The following TENM2 variants were observed in gnomAD, a reference collection of about 807,000 sequenced individuals.
TENM2 encodes teneurin-2.
A neutral mutation model predicts 245.2 loss-of-function variants in TENM2; 52 were observed. The ratio of observed to expected loss-of-function variants is 0.21; its 90% CI spans 0.17 to 0.27. The LOEUF (loss-of-function observed/expected upper bound fraction) is 0.27. TENM2 is among the 10% of genes least tolerant of loss of function. TENM2 has a pLI of 1.00. For missense variants in TENM2, 3,046 were observed against 3,666.8 expected, an observed-to-expected ratio of 0.83 and a Z score of 4.37; for synonymous variants, 1,363 against 1,438.9, an observed-to-expected ratio of 0.95 and a Z score of 1.19.
chr5:167,975,443 C>A (rs1275453895), intron 4 of TENM2, among the ~76,000 whole-genome samples: 1 of 147,606 alleles, frequency 6.8e-6, no homozygotes, highest in Non-Finnish European at 1.5e-5. Flanking sequence ...GGTTACCTTT[C>A]TTAGTGGCAT....
chr5:167,688,960 A>G (rs568758874), intron 2 of TENM2, among the ~76,000 whole-genome samples: 132 of 152,168 alleles, frequency 8.7e-4, no homozygotes, highest in Non-Finnish European at 1.5e-3. Context: ...TTTCTTTTCC[A>G]TTATAAGCAA....
chr5:168,001,434 G>T (rs768785068), intron 5 of TENM2, among the ~76,000 whole-genome samples: 1 of 152,170 alleles, frequency 6.6e-6, no homozygotes, highest in African/African-American at 2.4e-5. Context: ...GCAAATAATG[G>T]CATAAATCTA....
At chr5:167,758,075 T>A (rs1389292912) in intron 2 of TENM2, among the ~76,000 whole-genome samples, 1 of 152,156 alleles carries the variant, frequency 6.6e-6, no homozygotes, top group Non-Finnish European at 1.5e-5. Flanking sequence ...TGTGGGGTTG[T>A]CTTTTATACT....
At chr5:167,412,433 G>A (rs573206017) in intron 2 of TENM2, among the ~76,000 whole-genome samples, 2 of 152,144 alleles carry the variant, frequency 1.3e-5, no homozygotes, top group Admixed American at 6.5e-5. Flanking sequence ...GGCTAAGGTG[G>A]GTAGATTACC....
intron 3 of TENM2, among the ~76,000 whole-genome samples, chr5:167,926,113 T>A (rs1049699540): frequency 1.2e-4 from 18 of 151,934 alleles, no homozygotes; most frequent in African/African-American, 4.4e-4. Flanking sequence ...AAATGAAAGT[T>A]AAAAGAAAAA....
chr5:167,369,677 C>A (rs1029035085), intron 1 of TENM2, among the ~76,000 whole-genome samples: 1 of 152,120 alleles, frequency 6.6e-6, no homozygotes, highest in African/African-American at 2.4e-5. Context: ...CATGTTATTA[C>A]AACTTTTATT....
intron 3 of TENM2, among the ~76,000 whole-genome samples, chr5:167,948,466 ATT>A (rs1779817190): frequency 6.6e-6 from 1 of 152,204 alleles, no homozygotes; most frequent in Non-Finnish European, 1.5e-5. Context: ...TTGTCTATAA[ATT>A]CACTTATCAT....
At chr5:167,248,694 G>A in the TENM2 span, among the ~76,000 whole-genome samples, 1,912 of 152,134 alleles carry the variant, frequency 0.013, 43 homozygotes, top group African/African-American at 0.043. Flanking sequence ...GGCGGACTTA[G>A]CTGAACCCAT....
chr5:167,115,688 A>G, the TENM2 span, among the ~76,000 whole-genome samples: 31 of 152,362 alleles, frequency 2.0e-4, no homozygotes, highest in Admixed American at 2.0e-3. Context: ...GAATCTAAAA[A>G]TAAGTTTAAA....
intron 8 of TENM2, among the ~76,000 whole-genome samples, chr5:168,094,071 G>A (rs2152264622): frequency 6.9e-6 from 1 of 145,102 alleles, no homozygotes; most frequent in East Asian, 2.0e-4. Flanking sequence ...ATTTACCAAG[G>A]ACCTATTGTA....
At chr5:167,050,197 A>G in the TENM2 span, among the ~76,000 whole-genome samples, 4 of 152,154 alleles carry the variant, frequency 2.6e-5, no homozygotes, top group African/African-American at 4.8e-5. Context: ...ACAGGGCTGC[A>G]TGGCAGGAGG....
intron 1 of TENM2, among the ~76,000 whole-genome samples, chr5:167,353,560 T>G (rs1004739701): frequency 8.3e-6 from 1 of 120,498 alleles, no homozygotes; most frequent in Non-Finnish European, 1.6e-5. Flanking sequence ...CAGGCTGGAG[T>G]GCAGTGGCGG....
intron 2 of TENM2, among the ~76,000 whole-genome samples, chr5:167,427,313 C>T (rs1454484391): frequency 2.6e-5 from 4 of 151,934 alleles, no homozygotes; most frequent in East Asian, 1.9e-4. Flanking sequence ...ATTAGCTGGG[C>T]GTGGTGGTGG....
chr5:167,467,394 T>G (rs1766732977), intron 2 of TENM2, among the ~76,000 whole-genome samples: 1 of 152,054 alleles, frequency 6.6e-6, no homozygotes, highest in Non-Finnish European at 1.5e-5. Flanking sequence ...TGCTTATAAA[T>G]TACCCAGTCT....
intron 2 of TENM2, among the ~76,000 whole-genome samples, chr5:167,640,892 T>TATATATATATCC (rs1779556571): frequency 2.1e-5 from 2 of 96,244 alleles, no homozygotes; most frequent in Non-Finnish European, 4.2e-5. Flanking sequence ...TATATATATA[T>TATATATATATCC]ATATATATAT....
At chr5:167,450,038 C>T (rs537458549) in intron 2 of TENM2, among the ~76,000 whole-genome samples, 5 of 152,044 alleles carry the variant, frequency 3.3e-5, no homozygotes, top group South Asian at 2.1e-4. Context: ...TGGATGAATG[C>T]GTGGCTAGAT....
the TENM2 span, among the ~76,000 whole-genome samples, chr5:166,980,154 CA>C: frequency 6.6e-6 from 1 of 152,100 alleles, no homozygotes; most frequent in Admixed American, 6.6e-5. Context: ...AGATAATAAA[CA>C]TATAAGTGCT....
intron 2 of TENM2, among the ~76,000 whole-genome samples, chr5:167,579,948 T>C (rs1280611179): frequency 6.6e-6 from 1 of 152,190 alleles, no homozygotes; most frequent in East Asian, 1.9e-4. Context: ...ATTTCTGTAA[T>C]TGGAGACAAT....
chr5:168,088,555 A>T (rs907712152), intron 7 of TENM2, among the ~76,000 whole-genome samples: 17 of 152,166 alleles, frequency 1.1e-4, no homozygotes, highest in African/African-American at 3.9e-4. Context: ...ATGATTTGCA[A>T]GTAGGTGACT....
Sources: allele counts gnomAD v4.1 joint callset (sites outside exome capture counted in the v4.1 genomes callset), GRCh38; gene constraint gnomAD v4.1.1; transcripts MANE v1.5; gene names NCBI Gene and HGNC (gene_info 2026-07-23, HGNC 2026-07-21).